FERMT1: variants seen among roughly 807,000 people sequenced by gnomAD.
The protein encoded by FERMT1 is FERM domain containing kindlin 1.
FERMT1 carries 60 observed loss-of-function variants against 85.3 expected under a neutral mutation model. The observed-to-expected ratio is 0.70, with a 90% CI of 0.57 to 0.87. FERMT1 has a LOEUF of 0.87. Among genes scored for constraint, FERMT1 ranks in the 40% least tolerant of loss-of-function variants. The probability of loss-of-function intolerance (pLI) is 0.00; values close to 1 mark genes in which losing one functional copy is unlikely to be tolerated. For synonymous variants in FERMT1, 275 were observed against 301.1 expected (o/e 0.91, Z 0.90); for missense variants, 701 against 818.9 (o/e 0.86, Z 1.76).
intron 13 of FERMT1, among the ~76,000 whole-genome samples, chr20:6,080,899 G>GAT (rs1981976163): frequency 6.6e-6 from 1 of 152,182 alleles, no homozygotes; most frequent in South Asian, 2.1e-4. Context: ...CTGGGCTCAA[G>GAT]ATATATATTT....
intron 13 of FERMT1, among the ~76,000 whole-genome samples, chr20:6,083,655 AC>A (rs1555799162): frequency 0.092 from 6,164 of 67,186 alleles, 354 homozygotes; most frequent in African/African-American, 0.22. Context: ...AAAATGAGAC[AC>A]CCCCCCCCCC....
At chr20:6,077,440 C>T in intron 14 of FERMT1, 94 bp from the exon 15 acceptor site, 1 of 1,222,418 alleles carries the variant, frequency 8.2e-7, no homozygotes, top group Non-Finnish European at 1.2e-6. Context: ...CTGAGGGCTG[C>T]TGAGGTGGAT....
rs749130431 is a variant in FERMT1 at position 6,112,556 on chromosome 20, TTTC to T, written c.450_452del (p.Lys152del). The T allele has an allele frequency of 1.8e-5, 29 of 1,609,560 alleles. No individual in the cohort carries two copies. Among genetic ancestry groups the T allele is most frequent in the Admixed American group, 1.2e-4 (7 of 59,786 alleles). ...TGGGTTCCTTATTATTTTTGTCTTT[TTTC>T]TTCTTCTTCTTAAAATAGTCACCAG... On this transcript the variant is annotated inframe_deletion, in exon 4 of 15. Coordinates refer to ENST00000217289, the MANE Select transcript of FERMT1 (RefSeq NM_017671.5).
At chr20:6,108,847 G>T (rs1033183536) in intron 5 of FERMT1, among the ~76,000 whole-genome samples, 3 of 151,782 alleles carry the variant, frequency 2.0e-5, no homozygotes, top group Non-Finnish European at 4.4e-5. Flanking sequence ...TGGTTATGGG[G>T]CCAGCTTGAG....
chr20:6,121,411 C>T (rs115557572), intron 1 of FERMT1, among the ~76,000 whole-genome samples: 2 of 152,204 alleles, frequency 1.3e-5, no homozygotes, highest in South Asian at 2.1e-4. Context: ...TGGGCCACCA[C>T]GCCCAGCCGT....
intron 1 of FERMT1, 62 bp from the exon 2 acceptor site, chr20:6,119,634 A>C: frequency 7.1e-7 from 1 of 1,408,408 alleles, no homozygotes; most frequent in Non-Finnish European, 9.8e-7. Context: ...TTGTCAGTAG[A>C]CTTGCAGAGC....
chr20:6,104,250 G>A lies in FERMT1; in HGVS notation c.849+3282C>T, dbSNP rs531685982. On this transcript the variant is annotated intron_variant, in intron 6 of 14. Transcript: ENST00000217289. This position sits in a 1 kb window ranked among gnomAD's most constrained non-coding sequence, Gnocchi z 4.2. Reference sequence around the variant, plus strand: ...AATCAGCACCTGTTACTAAGGACCTGTGGCCAGTATGAATCTCTCTGAAAG... The same window carrying A: ...AATCAGCACCTGTTACTAAGGACCTATGGCCAGTATGAATCTCTCTGAAAG... Among the ~76,000 whole-genome samples, 173 of 152,290 alleles carry A rather than the reference G, an allele frequency of 1.1e-3. No homozygotes were observed. Among genetic ancestry groups the A allele is most frequent in the Non-Finnish European group, 1.8e-3 (123 of 68,028 alleles).
Position 6,115,905 on chromosome 20 carries a change from C to T in FERMT1, c.291G>A (p.Leu97=), listed in dbSNP as rs779887354. ...TCTTCAAATTCGGCAGACGAAGGCG[C>T]AGCATTTTATGCTGAGGGGTGAAGA... is the stretch of plus-strand genomic sequence containing the variant. ...KLLFTPQHKM[L]RLRLPNLKMV... Residue 97 remains leucine, a synonymous_variant, in exon 3 of 15, where the codon CTG becomes CTA. Transcript: ENST00000217289. The T allele has an allele frequency of 1.2e-6, 2 of 1,614,176 alleles. No homozygotes were observed. Among genetic ancestry groups the T allele is most frequent in the East Asian group, 2.2e-5 (1 of 44,888 alleles).
rs73074364 is a variant in FERMT1, at chr20:6,096,718, C to A, written c.1089+184G>T. ...TCATTAGTAGAGATGAAAATATAGTCCCTTGTGGAGCTAACCCATGAAAAG... is the reference window on the plus strand; with the variant it reads ...TCATTAGTAGAGATGAAAATATAGTACCTTGTGGAGCTAACCCATGAAAAG... On this transcript the variant is annotated intron_variant, in intron 8 of 14. Coordinates refer to ENST00000217289, the MANE Select transcript of FERMT1 (RefSeq NM_017671.5). Among the ~76,000 whole-genome samples the A allele has an allele frequency of 0.098, 14,854 of 151,360 alleles. 848 individuals carry two copies. Among genetic ancestry groups the A allele is most frequent in the Middle Eastern group, 0.2 (59 of 288 alleles).
intron 9 of FERMT1, 127 bp from the exon 10 acceptor site, chr20:6,089,216 T>C: frequency 1.1e-6 from 1 of 908,568 alleles, no homozygotes; most frequent in Non-Finnish European, 1.7e-6. Flanking sequence ...CAAAAATAAT[T>C]TCAAATTGCT....
At chr20:6,079,319 G>T in intron 14 of FERMT1, 117 bp downstream of exon 14, 1 of 1,091,912 alleles carries the variant, frequency 9.2e-7, no homozygotes, top group Non-Finnish European at 1.4e-6. Context: ...GTTACCATAT[G>T]CTTGTGGTTT....
chr20:6,085,845 T>C (rs1264690252), intron 11 of FERMT1, among the ~76,000 whole-genome samples: 1 of 122,782 alleles, frequency 8.1e-6, no homozygotes, highest in South Asian at 2.6e-4. Flanking sequence ...CAATACTTTG[T>C]CAAAAAAAAA....
intron 1 of FERMT1, chr20:6,120,293 T>C (rs2123159345): frequency 6.6e-6 from 1 of 152,358 alleles, no homozygotes; most frequent in South Asian, 2.1e-4. Context: ...CTATGTCATA[T>C]AAAAATTGAT....
chr20:6,121,738 G>C (rs1488909600), intron 1 of FERMT1, among the ~76,000 whole-genome samples: 1 of 152,200 alleles, frequency 6.6e-6, no homozygotes, highest in Non-Finnish European at 1.5e-5. Context: ...CTGGAGCCCA[G>C]GTGGAAATCC....
rs764422079 is a variant in FERMT1, at chr20:6,110,472, T to A, written c.572A>T (p.Tyr191Phe). 1 of 1,614,120 alleles carries A rather than the reference T, an allele frequency of 6.2e-7. No homozygotes were observed. ...TGCTGGTGTTCCATTGATGGGGTCA[T>A]ATATAGGGGTCATGGTTTTACTGTA... is the stretch of plus-strand genomic sequence containing the variant. Reference protein sequence around the residue: ...GLYSKTMTPIYDPINGTPASS... With the variant: ...GLYSKTMTPIFDPINGTPASS... The change falls in exon 5 of 15, where the codon TAT becomes TTT. Residue 191 changes from tyrosine (Y) to phenylalanine (F), a missense_variant. Coordinates refer to ENST00000217289, the MANE Select transcript of FERMT1 (RefSeq NM_017671.5).
At chr20:6,114,620 G>T (rs1487490653) in intron 3 of FERMT1, among the ~76,000 whole-genome samples, 1 of 152,092 alleles carries the variant, frequency 6.6e-6, no homozygotes, top group African/African-American at 2.4e-5. Context: ...TGCACACCAG[G>T]GACAAGACTG....
At chr20:6,097,788 C>T (rs1982549899) in intron 6 of FERMT1, among the ~76,000 whole-genome samples, 157 bp from the exon 7 acceptor site, 1 of 144,984 alleles carries the variant, frequency 6.9e-6, no homozygotes, top group Admixed American at 7.2e-5. Context: ...ATATACTCAG[C>T]ACTTTTTTTT....
At position 6,081,891 on chromosome 20, in the gene FERMT1, A is replaced by G. The variant is rs375587414; in HGVS notation, c.1718+2149T>C. ...GGAATGTTTTCCACATTATTCCTTC[A>G]TTTCACCACCTTAATGCTTAATATC... On this transcript the variant is annotated intron_variant, in intron 13 of 14. Coordinates refer to ENST00000217289, the MANE Select transcript of FERMT1 (RefSeq NM_017671.5). Among the ~76,000 whole-genome samples, 8 of 152,208 alleles carry G rather than the reference A, an allele frequency of 5.3e-5. No homozygotes were observed. In the East Asian group the frequency reaches 1.4e-3, roughly 26 times the overall value.
At chr20:6,110,950 T>C (rs1043282319) in intron 4 of FERMT1, among the ~76,000 whole-genome samples, 1 of 152,140 alleles carries the variant, frequency 6.6e-6, no homozygotes, top group African/African-American at 2.4e-5. Context: ...CTTTCTTTTG[T>C]TTTTTAGACG....
Sources: gnomAD v4.1 joint callset for allele counts (sites outside exome capture counted in the v4.1 genomes callset) on GRCh38, gnomAD v4.1.1 for gene constraint, Gnocchi (gnomAD v3.1) non-coding constraint, MANE v1.5 for transcripts, NCBI Gene and HGNC (gene_info 2026-07-23, HGNC 2026-07-21) for gene names.